CBX6: variants seen among roughly 807,000 people sequenced by gnomAD.
CBX6 encodes chromobox protein homolog 6.
In CBX6, 7 loss-of-function variants were observed where a neutral mutation model predicts 28.4. That is an observed-to-expected ratio of 0.25 (90% CI 0.14 to 0.46). The LOEUF (loss-of-function observed/expected upper bound fraction) is 0.46. CBX6 is among the 20% of genes least tolerant of loss of function. The pLI, the probability that CBX6 is intolerant of heterozygous loss-of-function variation, is 0.99. For synonymous variants in CBX6, 297 were observed against 273.4 expected (o/e 1.09, Z -0.85); for missense variants, 512 against 606.1 (o/e 0.84, Z 1.63).
chr22:38,872,202 G>A lies in CBX6; in HGVS notation c.-12C>T. ...GCAGACAGCTCCATCTTGCTCAGCG[G>A]CACCCACAGCCCATAATACTCCCTG... On this transcript the variant is annotated 5_prime_UTR_variant, in exon 1 of 5. Transcript: ENST00000407418. The surrounding 1 kb of genome is among the most constrained non-coding windows in gnomAD (Gnocchi z 5.0). The A allele has an allele frequency of 2.2e-6, 3 of 1,385,310 alleles. No homozygotes were observed. Among genetic ancestry groups the A allele is most frequent in the Non-Finnish European group, 1.9e-6 (2 of 1,049,580 alleles). 85.8% of individuals were successfully genotyped at this position (1,385,310 alleles called of 1,614,324 possible).
intron 4 of CBX6, among the ~76,000 whole-genome samples, chr22:38,868,347 A>G (rs1241285231): frequency 6.6e-6 from 1 of 152,244 alleles, no homozygotes; most frequent in Non-Finnish European, 1.5e-5. Context: ...AAAGAACCAC[A>G]GAGCCCAGAG....
At position 38,862,413 on chromosome 22, in the gene CBX6, T is replaced by TCCTCAAACCATCCCCGTC. The variant is rs1431553393; in HGVS notation, c.*3778_*3795dup. The stretch of plus-strand genomic sequence containing the variant: ...TCTTCCTTTTTTCTTTAAAAGTGTT[T>TCCTCAAACCATCCCCGTC]CCTCAAACCATCCCCGTCCCAAAGA... On this transcript the variant is annotated 3_prime_UTR_variant, in exon 5 of 5. Coordinates refer to ENST00000407418, the MANE Select transcript of CBX6 (RefSeq NM_014292.5). 13 of 148,758 alleles carry TCCTCAAACCATCCCCGTC rather than the reference T, an allele frequency of 8.7e-5. No homozygotes were observed. The highest frequency in any genetic ancestry group is 5.9e-5 in the Non-Finnish European group (4 of 67,584). 9.2% of individuals were successfully genotyped at this position (148,758 alleles called of 1,614,324 possible).
Position 38,866,028 on chromosome 22 carries a change from T to G in CBX6, c.*181A>C. 1.7e-6 allele frequency: 1 copy of G among 600,048 alleles called. No individual in the cohort carries two copies. The highest frequency in any genetic ancestry group is 2.9e-6 in the Non-Finnish European group (1 of 339,914). 37.2% of individuals were successfully genotyped at this position (600,048 alleles called of 1,614,324 possible). A position where few individuals can be genotyped will look rare whatever the true frequency, so the allele number is the denominator to read the frequency against. ...GCCCTTCCCCTGCCCCATTCCAGGG[T>G]GGCCCCTACCCCCGGCTTTCTGGGA... On this transcript the variant is annotated 3_prime_UTR_variant, in exon 5 of 5. Transcript: ENST00000407418. The surrounding 1 kb of genome is among the most constrained non-coding windows in gnomAD (Gnocchi z 7.5).
In CBX6 at chr22:38,866,453, A is replaced by C. The variant is rs1347282982; in HGVS notation, c.995T>G (p.Val332Gly). 6.2e-7 allele frequency: 1 copy of C among 1,607,062 alleles called. No individual in the cohort carries two copies. The highest frequency in any genetic ancestry group is 8.5e-7 in the Non-Finnish European group (1 of 1,178,706). The change falls in exon 5 of 5, where the codon GTC becomes GGC. Residue 332 changes from valine (V) to glycine (G), a missense_variant. Physicochemically the swap from Val to Gly is moderately radical, Grantham distance 109. Around this residue, in one of 7 missense-constraint regions of CBX6, gnomAD observed 290 missense variants for 274.1 expected, o/e 1.06. Coordinates refer to ENST00000407418, the MANE Select transcript of CBX6 (RefSeq NM_014292.5). The surrounding 1 kb of genome is among the most constrained non-coding windows in gnomAD (Gnocchi z 7.5). ...AGGTGCCGGGCCGGCAGCAGCTGTGACCTCAGGCGGTGCCCGCTTGCTGGT... is the reference window on the plus strand; with the variant it reads ...AGGTGCCGGGCCGGCAGCAGCTGTGCCCTCAGGCGGTGCCCGCTTGCTGGT... ...AATSKRAPPE[V>G]TAAAGPAPPT...
In CBX6 at chr22:38,864,233, TC is replaced by T. The variant is rs1175576250; in HGVS notation, c.*1975del. The stretch of plus-strand genomic sequence containing the variant: ...TATTTTTTTCTATTTCTTTTTTTTT[TC>T]CTCTTTTTTTGTTTTTGTTTTTTTG... On this transcript the variant is annotated 3_prime_UTR_variant, in exon 5 of 5. Transcript: ENST00000407418. 5 of 150,466 alleles carry T rather than the reference TC, an allele frequency of 3.3e-5. No individual in the cohort carries two copies. The highest frequency in any genetic ancestry group is 2.1e-4 in the South Asian group (1 of 4,780). 9.3% of individuals were successfully genotyped at this position (150,466 alleles called of 1,614,324 possible).
Position 38,861,968 on chromosome 22 carries a change from A to G in CBX6, c.*4241T>C. 6.6e-6 allele frequency: 1 copy of G among 152,230 alleles called. No individual in the cohort carries two copies. The highest frequency in any genetic ancestry group is 1.9e-4 in the East Asian group (1 of 5,202). The allele number at this position is 152,230 out of a possible 1,614,324, so 9.4% of individuals were successfully genotyped here. On this transcript the variant is annotated 3_prime_UTR_variant, in exon 5 of 5. Coordinates refer to ENST00000407418, the MANE Select transcript of CBX6 (RefSeq NM_014292.5). The stretch of plus-strand genomic sequence containing the variant: ...AAATTAAAAAAATTATAAGATACGT[A>G]TTTCTTTAGGCCTTTGTGTTTTTAA...
chr22:38,866,152 A>C lies in CBX6; in HGVS notation c.*57T>G. 4 of 1,247,152 alleles carry C rather than the reference A, an allele frequency of 3.2e-6. No individual in the cohort carries two copies. In the South Asian group the frequency reaches 4.2e-5, roughly 13 times the overall value. The allele number at this position is 1,247,152 out of a possible 1,614,324, so 77.3% of individuals were successfully genotyped here. ...TGGGGGCAAGGGTGGGGTGGGAGCA[A>C]GAGTATGACTTCGGGCAGGAGGGCC... On this transcript the variant is annotated 3_prime_UTR_variant, in exon 5 of 5. Coordinates refer to ENST00000407418, the MANE Select transcript of CBX6 (RefSeq NM_014292.5). The surrounding 1 kb of genome is among the most constrained non-coding windows in gnomAD (Gnocchi z 7.5).
chr22:38,871,694 T>C lies in CBX6; in HGVS notation c.177A>G (p.Gln59=). The change falls in exon 3 of 5, where the codon CAA becomes CAG. Residue 59 remains glutamine, a splice_region_variant and synonymous_variant. Coordinates refer to ENST00000407418, the MANE Select transcript of CBX6 (RefSeq NM_014292.5). This position sits in a 1 kb window ranked among gnomAD's most constrained non-coding sequence, Gnocchi z 5.6. ...TGCCAGCTTCCCCAACAACTCACTTTTGTTCGAAGGCTGCAATGAGCCGCG... is the reference window on the plus strand; with the variant it reads ...TGCCAGCTTCCCCAACAACTCACTTCTGTTCGAAGGCTGCAATGAGCCGCG... ...LDSRLIAAFE[Q]KERERELYGP... 1.2e-6 allele frequency: 2 copies of C among 1,613,430 alleles called. No homozygotes were observed. The highest frequency in any genetic ancestry group is 2.2e-5 in the East Asian group (1 of 44,838).
rs2093171897 is a variant in CBX6, at chr22:38,866,929, G to A, written c.519C>T (p.Arg173=). 6.2e-7 allele frequency: 1 copy of A among 1,607,284 alleles called. No individual in the cohort carries two copies. The highest frequency in any genetic ancestry group is 8.5e-7 in the Non-Finnish European group (1 of 1,177,304). The change falls in exon 5 of 5, where the codon CGC becomes CGT. Residue 173 remains arginine (R), a synonymous_variant. Transcript: ENST00000407418. This position sits in a 1 kb window ranked among gnomAD's most constrained non-coding sequence, Gnocchi z 7.5. ...KVKPREPKRN[R]IILNLKVIDK... ...CGATCACCTTCAGGTTCAGGATGATGCGGTTCCGCTTGGGCTCCCGCGGCT... is the reference window on the plus strand; with the variant it reads ...CGATCACCTTCAGGTTCAGGATGATACGGTTCCGCTTGGGCTCCCGCGGCT...
In CBX6 at chr22:38,871,878, G is replaced by A. The variant is rs1186934433; in HGVS notation, c.113+24C>T. ...TGCCCGCTGCCTCCCCTCCCGCGAC[G>A]CCCCCGGACCCCGCGACACTCACTT... is the stretch of plus-strand genomic sequence containing the variant. On this transcript the variant is annotated intron_variant, in intron 2 of 4. Coordinates refer to ENST00000407418, the MANE Select transcript of CBX6 (RefSeq NM_014292.5). The surrounding 1 kb of genome is among the most constrained non-coding windows in gnomAD (Gnocchi z 5.6). 6.6e-7 allele frequency: 1 copy of A among 1,526,672 alleles called. No individual in the cohort carries two copies. The highest frequency in any genetic ancestry group is 1.2e-5 in the South Asian group (1 of 82,124). 94.6% of individuals were successfully genotyped at this position (1,526,672 alleles called of 1,614,324 possible). A position where few individuals can be genotyped will look rare whatever the true frequency, so the allele number is the denominator to read the frequency against.
At position 38,866,630 on chromosome 22, in the gene CBX6, G is replaced by C. The variant is rs568802295; in HGVS notation, c.818C>G (p.Ser273Cys). ...APAAPYDARS[S>C]GSSGCPSPTP... ...AGGCGAGGGGCAGCCGGAGGAGCCA[G>C]AGCTGCGGGCGTCGTAGGGGGCGGC... Residue 273 changes from serine to cysteine, a missense_variant, in exon 5 of 5, where the codon TCT becomes TGT. Physicochemically the swap from Ser to Cys is moderately radical, Grantham distance 112. Transcript: ENST00000407418. The surrounding 1 kb of genome is among the most constrained non-coding windows in gnomAD (Gnocchi z 7.5). The C allele has an allele frequency of 3.0e-5, 46 of 1,519,702 alleles. 1 individual carries two copies. The African/African-American group carries it at 5.8e-4, about 19-fold the overall frequency. 94.1% of individuals were successfully genotyped at this position (1,519,702 alleles called of 1,614,324 possible).
intron 4 of CBX6, among the ~76,000 whole-genome samples, chr22:38,867,538 T>C (rs1220605733): frequency 6.6e-6 from 1 of 152,098 alleles, no homozygotes; most frequent in African/African-American, 2.4e-5. Context: ...GTGTCGACAA[T>C]TGGGACACAG....
intron 4 of CBX6, among the ~76,000 whole-genome samples, chr22:38,868,570 A>G (rs1176639374): frequency 6.6e-6 from 1 of 152,138 alleles, no homozygotes; most frequent in Non-Finnish European, 1.5e-5. Flanking sequence ...ACAGGACTGA[A>G]AGCAAGGGCT....
chr22:38,868,004 GC>G (rs1296991407), intron 4 of CBX6, among the ~76,000 whole-genome samples: 1 of 152,234 alleles, frequency 6.6e-6, no homozygotes, highest in Non-Finnish European at 1.5e-5. Context: ...GTCGTGGGCA[GC>G]CAGGAATACT....
rs189172055 is a variant in CBX6, at chr22:38,862,343, T to C, written c.*3866A>G. The stretch of plus-strand genomic sequence containing the variant: ...CTAGCCCCTAATTCTGGGCTTTCTA[T>C]ATGAGAGGACATGCAGATAGGGAAG... On this transcript the variant is annotated 3_prime_UTR_variant, in exon 5 of 5. Transcript: ENST00000407418. 4 of 152,046 alleles carry C rather than the reference T, an allele frequency of 2.6e-5. No homozygotes were observed. The East Asian group carries it at 5.8e-4, about 22-fold the overall frequency. 9.4% of individuals were successfully genotyped at this position (152,046 alleles called of 1,614,324 possible).
chr22:38,869,280 GA>G (rs927263789), intron 4 of CBX6, among the ~76,000 whole-genome samples: 2 of 152,166 alleles, frequency 1.3e-5, no homozygotes, highest in African/African-American at 4.8e-5. Flanking sequence ...AGTGGTGACG[GA>G]CTGTTCCTGG....
At chr22:38,867,228 G>GGGGGGTGCC in intron 4 of CBX6, 27 bp from the exon 5 acceptor site, 1 of 518,862 alleles carries the variant, frequency 1.9e-6, no homozygotes, top group Non-Finnish European at 3.6e-6. Context: ...GGGTGGGTGG[G>GGGGGGTGCC]ACCTCAGGAC....
At position 38,866,042 on chromosome 22, in the gene CBX6, G is replaced by A. The variant is rs556655374; in HGVS notation, c.*167C>T. 1.7e-4 allele frequency: 105 copies of A among 628,064 alleles called. 1 individual carries two copies. The highest frequency in any genetic ancestry group is 1.2e-3 in the African/African-American group (67 of 54,410). 38.9% of individuals were successfully genotyped at this position (628,064 alleles called of 1,614,324 possible). ...CCATTCCAGGGTGGCCCCTACCCCC[G>A]GCTTTCTGGGACCCCAACTACCCAG... On this transcript the variant is annotated 3_prime_UTR_variant, in exon 5 of 5. Transcript: ENST00000407418. The surrounding 1 kb of genome is among the most constrained non-coding windows in gnomAD (Gnocchi z 7.5).
chr22:38,867,664 T>G (rs1603250341), intron 4 of CBX6, among the ~76,000 whole-genome samples: 1 of 152,000 alleles, frequency 6.6e-6, no homozygotes, highest in Non-Finnish European at 1.5e-5. Flanking sequence ...AAGGAGGAGG[T>G]GGGTCCTCCC....
Sources: gnomAD v4.1 joint callset for allele counts (sites outside exome capture counted in the v4.1 genomes callset) on GRCh38, gnomAD v4.1.1 for gene constraint, gnomAD v4.1.1 regional missense constraint, Gnocchi (gnomAD v3.1) non-coding constraint, MANE v1.5 for transcripts, NCBI Gene and HGNC (gene_info 2026-07-23, HGNC 2026-07-21) for gene names.